The following TNRC18 variants were observed in gnomAD, a reference collection of about 807,000 sequenced individuals.
TNRC18 encodes trinucleotide repeat-containing gene 18 protein.
In TNRC18, 69 loss-of-function variants were observed where a neutral mutation model predicts 226.7. The ratio of observed to expected loss-of-function variants is 0.30; its 90% confidence interval spans 0.25 to 0.37. The LOEUF is 0.37. Among genes scored for constraint, TNRC18 ranks in the 10% least tolerant of loss-of-function variants. TNRC18 has a pLI of 1.00. For missense variants in TNRC18, 4,754 were observed against 4,256.6 expected (o/e 1.12, Z -3.25); for synonymous variants, 2,449 against 1,927.6 (o/e 1.27, Z -7.09).
At chr7:5,399,700 T>C (rs1357996330) in intron 2 of TNRC18, among the ~76,000 whole-genome samples, 1 of 149,832 alleles carries the variant, frequency 6.7e-6, no homozygotes, top group Non-Finnish European at 1.5e-5. Flanking sequence ...TGCGACACTG[T>C]GTCTCAAAAA....
At position 5,307,642 on chromosome 7, in the gene TNRC18, G is replaced by A; in HGVS notation, c.*464C>T. ...CGGGCTGCCCTGTCCCATGCACGGT[G>A]GGAGGCCTTGGGGTGGGCTCCATGC... On this transcript the variant is annotated 3_prime_UTR_variant, in exon 30 of 30. Coordinates refer to ENST00000430969, the MANE Select transcript of TNRC18 (RefSeq NM_001080495.3). The A allele has an allele frequency of 2.5e-6, 1 of 398,922 alleles. No individual in the cohort carries two copies. Among genetic ancestry groups the A allele is most frequent in the South Asian group, 1.7e-5 (1 of 57,424 alleles). The allele number at this position is 398,922 out of a possible 1,614,324, so 24.7% of individuals were successfully genotyped here.
chr7:5,384,678 C>T (rs1584007723), intron 5 of TNRC18, among the ~76,000 whole-genome samples: 1 of 152,146 alleles, frequency 6.6e-6, no homozygotes, highest in Non-Finnish European at 1.5e-5. Flanking sequence ...AGATCTCCTG[C>T]CTCCCAGGGG....
chr7:5,366,613 C>T (rs934114413), intron 11 of TNRC18, among the ~76,000 whole-genome samples: 7 of 152,062 alleles, frequency 4.6e-5, no homozygotes, highest in Admixed American at 1.3e-4. Flanking sequence ...CGTGAGCCAC[C>T]GCGGCTGGCC....
In TNRC18 at chr7:5,418,412, G is replaced by T. The variant is rs1407771151; in HGVS notation, c.187+2648C>A. The stretch of plus-strand genomic sequence containing the variant: ...AAGGCAGAAACCAGCTCTTCCAGAG[G>T]ACCTTCCACAGCAGATGGCTGTCAA... On this transcript the variant is annotated intron_variant, in intron 2 of 29. Transcript: ENST00000430969. 2.0e-5 allele frequency among the ~76,000 whole-genome samples: 3 copies of T among 152,254 alleles called. No individual in the cohort carries two copies. The East Asian group carries it at 5.8e-4, about 29-fold the overall frequency.
At chr7:5,361,356 C>T (rs1223404733) in intron 14 of TNRC18, among the ~76,000 whole-genome samples, 1 of 152,226 alleles carries the variant, frequency 6.6e-6, no homozygotes, top group Non-Finnish European at 1.5e-5. Flanking sequence ...AGGTGAAGCG[C>T]TGGGTTAGGA....
At chr7:5,374,507 G>A (rs758359823) in intron 9 of TNRC18, 23 bp from the exon 10 acceptor site, 4 of 1,535,880 alleles carry the variant, frequency 2.6e-6, no homozygotes, top group Middle Eastern at 1.8e-4. Context: ...CGGCAGGCAG[G>A]GTCAGCACGG....
In TNRC18 at chr7:5,357,119, C is replaced by T. The variant is rs1792510592; in HGVS notation, c.4991G>A (p.Arg1664Lys). The T allele has an allele frequency of 1.9e-6, 3 of 1,554,414 alleles. No individual in the cohort carries two copies. The highest frequency in any genetic ancestry group is 2.0e-5 in the Admixed American group (1 of 51,106). Residue 1664 changes from arginine to lysine, a missense_variant, in exon 16 of 30, where the codon AGG (arginine) becomes AAG (lysine). Arg to Lys is a conservative substitution (Grantham distance 26). Transcript: ENST00000430969. ...GKSKTSGGCG[R>K]YLTPYDSLLG... ...CAGGCTGTCGTAAGGAGTCAAGTAC[C>T]TGCCGCAGCCCCCGCTAGTTTTCGA... is the stretch of plus-strand genomic sequence containing the variant.
intron 11 of TNRC18, among the ~76,000 whole-genome samples, chr7:5,363,391 A>G (rs1291786173): frequency 6.6e-6 from 1 of 152,196 alleles, no homozygotes; most frequent in Non-Finnish European, 1.5e-5. Flanking sequence ...TCATGAGGTC[A>G]GGAGATGGAG....
rs1793164377 is a variant in TNRC18 at position 5,362,555 on chromosome 7, G to C, written c.4395+95C>G. ...TAGCTCAGGCCTCTCTGGCGCCAAA[G>C]CCAGCCACGCCCCAGGCAGTAGGGC... On this transcript the variant is annotated intron_variant, in intron 12 of 29. Coordinates refer to ENST00000430969, the MANE Select transcript of TNRC18 (RefSeq NM_001080495.3). The C allele has an allele frequency of 4.8e-6, 6 of 1,259,388 alleles. No homozygotes were observed. The East Asian group carries it at 7.9e-5, about 17-fold the overall frequency. 78.0% of individuals were successfully genotyped at this position (1,259,388 alleles called of 1,614,324 possible).
At chr7:5,363,374 G>A (rs983950080) in intron 11 of TNRC18, among the ~76,000 whole-genome samples, 18 of 151,914 alleles carry the variant, frequency 1.2e-4, no homozygotes, top group Non-Finnish European at 1.8e-4. Flanking sequence ...AGGCCGAGGC[G>A]GGCAGATCAT....
chr7:5,375,959 C>G (rs1794628834), intron 9 of TNRC18, 75 bp downstream of exon 9: 3 of 1,410,452 alleles, frequency 2.1e-6, no homozygotes, highest in Admixed American at 2.2e-5. Context: ...TCTGGAGATT[C>G]TGCTGGCTGA....
intron 19 of TNRC18, among the ~76,000 whole-genome samples, chr7:5,326,755 C>T (rs987452529): frequency 2.0e-5 from 3 of 150,764 alleles, no homozygotes; most frequent in African/African-American, 7.3e-5. Flanking sequence ...TGCAGTGAGC[C>T]GAGATCGCGC....
intron 5 of TNRC18, among the ~76,000 whole-genome samples, chr7:5,384,582 T>C (rs768845047): frequency 1.3e-5 from 2 of 150,162 alleles, no homozygotes; most frequent in Non-Finnish European, 3.0e-5. Context: ...TACTCTGGGA[T>C]CTCAGATGGA....
At chr7:5,361,358 G>A (rs1793027635) in intron 14 of TNRC18, among the ~76,000 whole-genome samples, 1 of 152,230 alleles carries the variant, frequency 6.6e-6, no homozygotes, top group South Asian at 2.1e-4. Flanking sequence ...GTGAAGCGCT[G>A]GGTTAGGACA....
intron 19 of TNRC18, among the ~76,000 whole-genome samples, chr7:5,332,151 G>A (rs781739081): frequency 6.6e-5 from 10 of 152,084 alleles, no homozygotes; most frequent in African/African-American, 2.4e-4. Flanking sequence ...TGTAAGATAC[G>A]GGTGGTCAAG....
chr7:5,325,018 A>C, intron 20 of TNRC18, 78 bp downstream of exon 20: 1 of 1,476,718 alleles, frequency 6.8e-7, no homozygotes, highest in East Asian at 2.5e-5. Context: ...ACAGAGGAGC[A>C]GGTGGAGCCC....
chr7:5,395,188 A>G (rs1168679230), intron 2 of TNRC18, among the ~76,000 whole-genome samples: 1 of 152,228 alleles, frequency 6.6e-6, no homozygotes, highest in East Asian at 1.9e-4. Flanking sequence ...GCAGGGACTC[A>G]GAATGCAGCC....
intron 17 of TNRC18, among the ~76,000 whole-genome samples, chr7:5,349,757 G>A (rs1791588261): frequency 6.6e-6 from 1 of 152,218 alleles, no homozygotes; most frequent in African/African-American, 2.4e-5. Flanking sequence ...CAAGGGTGGA[G>A]GGATGGTCGG....
At chr7:5,327,660 A>G (rs560359643) in intron 19 of TNRC18, among the ~76,000 whole-genome samples, 1 of 152,202 alleles carries the variant, frequency 6.6e-6, no homozygotes, top group South Asian at 2.1e-4. Context: ...CTTCCAAATT[A>G]CTGTTATAAT....
Sources: gnomAD v4.1 joint callset for allele counts (sites outside exome capture counted in the v4.1 genomes callset) on GRCh38, gnomAD v4.1.1 for gene constraint, MANE v1.5 for transcripts, NCBI Gene and HGNC (gene_info 2026-07-23, HGNC 2026-07-21) for gene names.